The following BIRC2 variants were observed in gnomAD, a reference collection of about 807,000 sequenced individuals.
BIRC2 encodes the protein baculoviral IAP repeat containing 2.
A neutral mutation model predicts 60.9 loss-of-function variants in BIRC2; 18 were observed. That is an observed-to-expected ratio of 0.30 (90% CI 0.20 to 0.44). The LOEUF (loss-of-function observed/expected upper bound fraction) is 0.44. BIRC2 is among the 20% of genes least tolerant of loss of function. The pLI is 1.00. For synonymous variants in BIRC2, 282 were observed against 247.7 expected (o/e 1.14, Z -1.30); for missense variants, 701 against 728.5 (o/e 0.96, Z 0.43).
chr11:102,366,216 G>A (rs955315629), intron 5 of BIRC2, among the ~76,000 whole-genome samples: 6 of 152,050 alleles, frequency 3.9e-5, no homozygotes, highest in African/African-American at 1.5e-4. Context: ...TCAGTTAATG[G>A]TACTCATTTC....
intron 5 of BIRC2, among the ~76,000 whole-genome samples, chr11:102,366,824 T>C (rs1394557277): frequency 6.6e-6 from 1 of 152,226 alleles, no homozygotes; most frequent in East Asian, 1.9e-4. Flanking sequence ...AGTTGCATGC[T>C]TGAAACACTC....
chr11:102,367,649 A>G (rs868269756), intron 5 of BIRC2, among the ~76,000 whole-genome samples: 3 of 152,130 alleles, frequency 2.0e-5, no homozygotes, highest in South Asian at 4.2e-4. Flanking sequence ...ATCTAAAATG[A>G]CTTCCTGCTT....
At chr11:102,375,267 G>C (rs1423519202) in intron 6 of BIRC2, among the ~76,000 whole-genome samples, 2 of 152,202 alleles carry the variant, frequency 1.3e-5, no homozygotes, top group Non-Finnish European at 2.9e-5. Flanking sequence ...TGCTGTCAAG[G>C]AGTATATACA....
At position 102,362,950 on chromosome 11, in the gene BIRC2, T is replaced by A. The variant is rs151019918; in HGVS notation, c.1050T>A (p.Gly350=). 2.5e-6 allele frequency: 4 copies of A among 1,612,070 alleles called. No homozygotes were observed. In the African/African-American group the frequency reaches 5.3e-5, roughly 22 times the overall value. ...KGQEFVDEIQ[G]RYPHLLEQLL... Reference sequence around the variant, plus strand: ...AAGAGTTTGTTGATGAGATTCAAGGTAGATATCCTCATCTTCTTGAACAGG... The same window carrying A: ...AAGAGTTTGTTGATGAGATTCAAGGAAGATATCCTCATCTTCTTGAACAGG... Residue 350 remains glycine, a synonymous_variant, in exon 4 of 9, where the codon GGT becomes GGA. Transcript: ENST00000227758.
chr11:102,375,825 G>T (rs1360252950), intron 6 of BIRC2, among the ~76,000 whole-genome samples: 1 of 151,964 alleles, frequency 6.6e-6, no homozygotes, highest in East Asian at 1.9e-4. Flanking sequence ...TACTAGCTTG[G>T]CTATTTATTC....
intron 5 of BIRC2, among the ~76,000 whole-genome samples, chr11:102,366,724 A>ATGG (rs1951557006): frequency 6.6e-6 from 1 of 152,064 alleles, no homozygotes; most frequent in East Asian, 1.9e-4. Context: ...ACATCCTAAC[A>ATGG]AGTCTTCCTG....
At chr11:102,351,808 ATTGTCT>A (rs1397003266) in intron 3 of BIRC2, among the ~76,000 whole-genome samples, 1 of 152,028 alleles carries the variant, frequency 6.6e-6, no homozygotes, top group Non-Finnish European at 1.5e-5. Flanking sequence ...ATAGAATTAA[ATTGTCT>A]TTGTAATTGA....
At chr11:102,352,350 G>A (rs1424753056) in intron 3 of BIRC2, among the ~76,000 whole-genome samples, 3 of 151,762 alleles carry the variant, frequency 2.0e-5, no homozygotes, top group South Asian at 2.1e-4. Context: ...TCCTGACCTC[G>A]TGATCCACCC....
rs1374332069 is a variant in BIRC2 at position 102,377,571 on chromosome 11, A to C, written c.1442A>C (p.Asn481Thr). Reference sequence around the variant, plus strand: ...ACATGTGTGCTTCCTATCCTGGATAATCTTTTAAAGGCCAATGTAATTAAT... The same window carrying C: ...ACATGTGTGCTTCCTATCCTGGATACTCTTTTAAAGGCCAATGTAATTAAT... ...QLTCVLPILD[N>T]LLKANVINKQ... Residue 481 changes from asparagine (N) to threonine (T), a missense_variant, in exon 7 of 9, where the codon AAT (asparagine) becomes ACT (threonine). Asn to Thr is a moderately conservative substitution (Grantham distance 65). Around this residue, in one of 4 missense-constraint regions of BIRC2, gnomAD observed 235 missense variants for 208.9 expected, o/e 1.12. Transcript: ENST00000227758. 1 of 1,611,498 alleles carries C rather than the reference A, an allele frequency of 6.2e-7. No homozygotes were observed. The highest frequency in any genetic ancestry group is 8.5e-7 in the Non-Finnish European group (1 of 1,178,876).
chr11:102,363,791 T>A, intron 5 of BIRC2, 75 bp downstream of exon 5: 1 of 1,206,932 alleles, frequency 8.3e-7, no homozygotes, highest in Non-Finnish European at 1.2e-6. Flanking sequence ...GTGCAGTGGC[T>A]CATGCCTGTA....
rs1457632670 is a variant in BIRC2, at chr11:102,349,799, A to G, written c.-56A>G. On this transcript the variant is annotated 5_prime_UTR_variant, in exon 2 of 9. It removes an upstream start codon present in the reference 5' UTR. Transcript: ENST00000227758. ...CTTTTTGTGGTAAAAATCTTAGTTC[A>G]TGTGAAGAAATTTCATGTGAATGTT... 2.6e-5 allele frequency: 39 copies of G among 1,495,130 alleles called. No homozygotes were observed. The highest frequency in any genetic ancestry group is 3.5e-5 in the Non-Finnish European group (39 of 1,113,562). 92.6% of individuals were successfully genotyped at this position (1,495,130 alleles called of 1,614,324 possible). A position where few individuals can be genotyped will look rare whatever the true frequency, so the allele number is the denominator to read the frequency against.
At chr11:102,358,893 T>A (rs902429566) in intron 3 of BIRC2, among the ~76,000 whole-genome samples, 3 of 152,208 alleles carry the variant, frequency 2.0e-5, no homozygotes, top group African/African-American at 7.2e-5. Flanking sequence ...TGTAGCTGAA[T>A]CTTGTTTTCT....
chr11:102,362,857 G>T (rs1591537824), intron 3 of BIRC2, 39 bp from the exon 4 acceptor site: 1 of 1,485,798 alleles, frequency 6.7e-7, no homozygotes, highest in Non-Finnish European at 9.3e-7. Context: ...TATTTGATAT[G>T]AAACAATTTT....
At chr11:102,376,928 G>A (rs1417908437) in intron 6 of BIRC2, among the ~76,000 whole-genome samples, 1 of 152,070 alleles carries the variant, frequency 6.6e-6, no homozygotes, top group Non-Finnish European at 1.5e-5. Context: ...ACCTAGGTCT[G>A]TTTTGACTTG....
intron 6 of BIRC2, among the ~76,000 whole-genome samples, chr11:102,369,047 A>G (rs1473327818): frequency 6.6e-6 from 1 of 152,156 alleles, no homozygotes; most frequent in African/African-American, 2.4e-5. Context: ...GCCCAATCCA[A>G]GGATAACAGG....
intron 1 of BIRC2, 121 bp downstream of exon 1, chr11:102,347,497 C>G (rs981741898): frequency 1.3e-5 from 2 of 152,236 alleles, no homozygotes; most frequent in Non-Finnish European, 1.5e-5. Context: ...GGCCCTTCGG[C>G]CAAGGGTCGA....
At chr11:102,375,570 G>A (rs1346362755) in intron 6 of BIRC2, among the ~76,000 whole-genome samples, 1 of 152,078 alleles carries the variant, frequency 6.6e-6, no homozygotes, top group Non-Finnish European at 1.5e-5. Context: ...CACAAGGTCA[G>A]GAAATTGAGA....
intron 5 of BIRC2, among the ~76,000 whole-genome samples, chr11:102,366,931 C>CT (rs1951559477): frequency 6.6e-6 from 1 of 152,166 alleles, no homozygotes; most frequent in African/African-American, 2.4e-5. Flanking sequence ...CTACCACCTT[C>CT]TTTCTGTTTC....
At chr11:102,373,847 C>T (rs1298058755) in intron 6 of BIRC2, among the ~76,000 whole-genome samples, 1 of 151,210 alleles carries the variant, frequency 6.6e-6, no homozygotes, top group African/African-American at 2.4e-5. Flanking sequence ...TCCCATATTT[C>T]TTGGAGGCTT....
Sources: allele counts gnomAD v4.1 joint callset (sites outside exome capture counted in the v4.1 genomes callset), GRCh38; gene constraint gnomAD v4.1.1; regional missense constraint gnomAD v4.1.1; transcripts MANE v1.5; gene names NCBI Gene and HGNC (gene_info 2026-07-23, HGNC 2026-07-21).